KCNAB1: variants seen among roughly 807,000 people sequenced by gnomAD.
KCNAB1 encodes voltage-gated potassium channel subunit beta-1.
In KCNAB1, 35 loss-of-function variants were observed where a neutral mutation model predicts 64.6. The ratio of observed to expected loss-of-function variants is 0.54; its 90% CI spans 0.41 to 0.72. KCNAB1 has a LOEUF of 0.72. Among genes scored for constraint, KCNAB1 ranks in the 30% least tolerant of loss-of-function variants. The pLI is 0.00. For synonymous variants in KCNAB1, 177 were observed against 183.8 expected, an observed-to-expected ratio of 0.96 and a Z score of 0.30; for missense variants, 401 against 512.9, an observed-to-expected ratio of 0.78 and a Z score of 2.11.
intron 1 of KCNAB1, among the ~76,000 whole-genome samples, chr3:156,352,496 T>C (rs1439283563): frequency 6.6e-6 from 1 of 152,162 alleles, no homozygotes; most frequent in Non-Finnish European, 1.5e-5. Flanking sequence ...GCTCACACAG[T>C]TGAAAAGGAC....
chr3:156,331,228 G>A (rs1723307532), intron 1 of KCNAB1, among the ~76,000 whole-genome samples: 2 of 152,162 alleles, frequency 1.3e-5, no homozygotes, highest in African/African-American at 4.8e-5. Context: ...ACACTTAACA[G>A]CACCAGCGAT....
chr3:156,514,284 C>A, intron 8 of KCNAB1, 80 bp from the exon 9 acceptor site: 4 of 1,036,874 alleles, frequency 3.9e-6, no homozygotes, highest in Non-Finnish European at 6.0e-6. Flanking sequence ...AGCTTCTAAG[C>A]TTTGGCTAGA....
rs767518417 is a variant in KCNAB1, at chr3:156,516,375, CA to C, written c.960+13del. The C allele has an allele frequency of 5.0e-6, 8 of 1,589,082 alleles. No individual in the cohort carries two copies. The African/African-American group carries it at 1.1e-4, about 21-fold the overall frequency. ...AGGGCTTCACTGAAGGTATTTTTCT[CA>C]ATGTCTAGAAAAAAGCCTGGGAGTA... is the stretch of plus-strand genomic sequence containing the variant. On this transcript the variant is annotated intron_variant, in intron 11 of 13. Transcript: ENST00000490337.
chr3:156,463,396 C>CT (rs1713084159), intron 5 of KCNAB1, among the ~76,000 whole-genome samples: 1 of 152,184 alleles, frequency 6.6e-6, no homozygotes, highest in African/African-American at 2.4e-5. Context: ...CTCACCTTTA[C>CT]TTTGCTATGT....
intron 1 of KCNAB1, among the ~76,000 whole-genome samples, chr3:156,364,600 G>A (rs1452818166): frequency 6.6e-6 from 1 of 152,110 alleles, no homozygotes; most frequent in African/African-American, 2.4e-5. Flanking sequence ...CCAACATGGA[G>A]AAACCCTGTC....
chr3:156,260,897 A>G (rs1207529552), intron 1 of KCNAB1, among the ~76,000 whole-genome samples: 1 of 152,088 alleles, frequency 6.6e-6, no homozygotes, highest in Non-Finnish European at 1.5e-5. Flanking sequence ...CCACATTTTC[A>G]CTAATTCCTC....
At chr3:156,150,639 C>T (rs1359500671) in intron 1 of KCNAB1, among the ~76,000 whole-genome samples, 1 of 152,126 alleles carries the variant, frequency 6.6e-6, no homozygotes, top group Non-Finnish European at 1.5e-5. Context: ...TCCTGAATTT[C>T]CCTGCAGTGC....
intron 2 of KCNAB1, among the ~76,000 whole-genome samples, chr3:156,426,034 A>G (rs1042172781): frequency 2.6e-5 from 4 of 152,204 alleles, no homozygotes; most frequent in Admixed American, 2.0e-4. Context: ...TGTATAGAAT[A>G]TTATGAGTAC....
At position 156,120,625 on chromosome 3, in the gene KCNAB1, G is replaced by A. The variant is rs750416155; in HGVS notation, c.14G>A (p.Arg5Gln). The change falls in exon 1 of 14, where the codon CGG becomes CAG. Residue 5 changes from arginine to glutamine, a missense_variant. Coordinates refer to ENST00000490337, the MANE Select transcript of KCNAB1 (RefSeq NM_172160.3). ...AAGATCTCCACGATGCTGGCAGCCC[G>A]GACAGGGGCAGCGGGGAGTCAGATC... The part of the protein sequence containing the change: MLAA[R>Q]TGAAGSQISE... 10 of 1,613,988 alleles carry A rather than the reference G, an allele frequency of 6.2e-6. No individual in the cohort carries two copies. Among genetic ancestry groups the A allele is most frequent in the South Asian group, 2.2e-5 (2 of 91,068 alleles).
At chr3:156,419,624 T>G (rs1715337253) in intron 1 of KCNAB1, among the ~76,000 whole-genome samples, 1 of 152,200 alleles carries the variant, frequency 6.6e-6, no homozygotes, top group Non-Finnish European at 1.5e-5. Context: ...TGAAAGACAT[T>G]AAAAATACAT....
At chr3:156,204,078 A>G (rs1410695281) in intron 1 of KCNAB1, among the ~76,000 whole-genome samples, 2 of 152,258 alleles carry the variant, frequency 1.3e-5, no homozygotes, top group African/African-American at 4.8e-5. Flanking sequence ...CTTAGAGTAG[A>G]AACCAAGATG....
At chr3:156,321,128 T>C (rs1482781964) in intron 1 of KCNAB1, among the ~76,000 whole-genome samples, 3 of 152,072 alleles carry the variant, frequency 2.0e-5, no homozygotes, top group African/African-American at 7.2e-5. Flanking sequence ...CCCAGACCCC[T>C]GTCTGTAGTG....
At chr3:156,527,679 G>A (rs1559931802) in intron 12 of KCNAB1, among the ~76,000 whole-genome samples, 1 of 151,958 alleles carries the variant, frequency 6.6e-6, no homozygotes, top group Non-Finnish European at 1.5e-5. Flanking sequence ...CCTCTCAGAT[G>A]TCTTTCTCAC....
rs575314711 is a variant in KCNAB1 at position 156,320,810 on chromosome 3, C to T, written c.276-100806C>T. Among the ~76,000 whole-genome samples, 26 of 152,276 alleles carry T rather than the reference C, an allele frequency of 1.7e-4. No individual in the cohort carries two copies. In the South Asian group the frequency reaches 3.9e-3, roughly 23 times the overall value. On this transcript the variant is annotated intron_variant, in intron 1 of 13. Transcript: ENST00000490337. ...ACGTGTCCACATCTGCCTCCTGCTG[C>T]AGGCATCCCCAGATTAGAGGAGGGC...
At chr3:156,139,959 C>T (rs965258131) in intron 1 of KCNAB1, among the ~76,000 whole-genome samples, 1 of 152,142 alleles carries the variant, frequency 6.6e-6, no homozygotes, top group Non-Finnish European at 1.5e-5. Context: ...GGTACAAGTA[C>T]CACTCATACG....
chr3:156,364,681 G>A (rs956401500), intron 1 of KCNAB1, among the ~76,000 whole-genome samples: 4 of 152,132 alleles, frequency 2.6e-5, no homozygotes, highest in Non-Finnish European at 5.9e-5. Context: ...GGGAGGCTGA[G>A]GCAGGAGAAT....
chr3:156,277,691 T>C (rs1331596167), intron 1 of KCNAB1, among the ~76,000 whole-genome samples: 1 of 152,196 alleles, frequency 6.6e-6, no homozygotes, highest in Non-Finnish European at 1.5e-5. Flanking sequence ...TTGTGAATAG[T>C]GCTGCAACAA....
rs141549125 is a variant in KCNAB1, at chr3:156,481,986, G to A, written c.658+7166G>A. Among the ~76,000 whole-genome samples, 562 of 152,178 alleles carry A rather than the reference G, an allele frequency of 3.7e-3. 6 individuals are homozygous for A. The highest frequency in any genetic ancestry group is 0.013 in the African/African-American group (545 of 41,542). ...GGATCTCTTCTCAGAGGTAATCATG[G>A]GAGAAGTCCAAGGCCCTGAAATTAT... On this transcript the variant is annotated intron_variant, in intron 8 of 13. Transcript: ENST00000490337.
chr3:156,436,207 A>T (rs1430675027), intron 2 of KCNAB1, among the ~76,000 whole-genome samples: 1 of 152,110 alleles, frequency 6.6e-6, no homozygotes, highest in Non-Finnish European at 1.5e-5. Flanking sequence ...GCCAAGGATG[A>T]TGGCTTCCAG....
Sources: allele counts gnomAD v4.1 joint callset (sites outside exome capture counted in the v4.1 genomes callset), GRCh38; gene constraint gnomAD v4.1.1; transcripts MANE v1.5; gene names NCBI Gene and HGNC (gene_info 2026-07-23, HGNC 2026-07-21).